The following MAP4K5 variants were observed in gnomAD, a reference collection of about 807,000 sequenced individuals.
MAP4K5 encodes MAPK/ERK kinase kinase kinase 5.
MAP4K5 carries 82 observed loss-of-function variants against 135.6 expected under a neutral mutation model. That is an observed-to-expected ratio of 0.60 (90% CI 0.51 to 0.73). The LOEUF (loss-of-function observed/expected upper bound fraction) is 0.73, where lower values mean the gene tolerates loss of function less well. MAP4K5 is among the 30% of genes least tolerant of loss of function. The probability of loss-of-function intolerance (pLI) is 0.00; values close to 1 mark genes in which losing one functional copy is unlikely to be tolerated. For synonymous variants in MAP4K5, 347 were observed against 335.0 expected, an observed-to-expected ratio of 1.04 and a Z score of -0.39; for missense variants, 907 against 1,010.9, an observed-to-expected ratio of 0.90 and a Z score of 1.39.
chr14:50,525,874 C>T (rs1309481388), intron 2 of MAP4K5, among the ~76,000 whole-genome samples: 1 of 152,024 alleles, frequency 6.6e-6, no homozygotes. Flanking sequence ...TTGAAAAGGT[C>T]CAAATTCTTT....
chr14:50,560,590 C>T (rs992517772), intron 1 of MAP4K5: 6 of 464,346 alleles, frequency 1.3e-5, no homozygotes, highest in South Asian at 1.1e-4. Context: ...ACAGCACCCA[C>T]CAGGCGCCTC....
intron 2 of MAP4K5, among the ~76,000 whole-genome samples, chr14:50,528,557 TAAAA>T (rs34304236): frequency 7.0e-6 from 1 of 143,328 alleles, no homozygotes; most frequent in East Asian, 2.0e-4. Flanking sequence ...GTCTTTACAT[TAAAA>T]AAAAAAAAAA....
intron 2 of MAP4K5, among the ~76,000 whole-genome samples, chr14:50,517,522 C>T (rs1030988862): frequency 3.3e-5 from 5 of 151,166 alleles, no homozygotes; most frequent in African/African-American, 1.2e-4. Context: ...AATCTCAGCA[C>T]TTTGGGAGGC....
chr14:50,464,161 T>A, intron 11 of MAP4K5, 28 bp from the exon 12 acceptor site: 1 of 1,073,018 alleles, frequency 9.3e-7, no homozygotes, highest in Non-Finnish European at 1.4e-6. Context: ...CGTACAAAAA[T>A]ATTTCACTAC....
intron 14 of MAP4K5, among the ~76,000 whole-genome samples, chr14:50,455,901 T>C (rs1279135201): frequency 2.0e-5 from 3 of 152,122 alleles, no homozygotes; most frequent in Non-Finnish European, 4.4e-5. Context: ...TGACAAATAT[T>C]GATAGAAAAT....
chr14:50,470,869 T>C (rs1176641660), intron 9 of MAP4K5, among the ~76,000 whole-genome samples: 2 of 152,156 alleles, frequency 1.3e-5, no homozygotes, highest in African/African-American at 2.4e-5. Context: ...GCTTATCATA[T>C]ACAAATCTGT....
At chr14:50,468,051 TA>T (rs1177985518) in intron 10 of MAP4K5, among the ~76,000 whole-genome samples, 1 of 152,126 alleles carries the variant, frequency 6.6e-6, no homozygotes, top group Non-Finnish European at 1.5e-5. Context: ...TGCCCTCAAA[TA>T]TTTTTTTCTG....
At chr14:50,451,570 T>C (rs541344252) in intron 14 of MAP4K5, among the ~76,000 whole-genome samples, 1 of 152,184 alleles carries the variant, frequency 6.6e-6, no homozygotes, top group African/African-American at 2.4e-5. Flanking sequence ...GTACCTCATA[T>C]CTTTTTTTAA....
At chr14:50,432,341 T>C (rs1257325203) in intron 28 of MAP4K5, among the ~76,000 whole-genome samples, 3 of 152,166 alleles carry the variant, frequency 2.0e-5, no homozygotes, top group Non-Finnish European at 1.5e-5. Context: ...ACTAGAAAGA[T>C]TGCCTCACCT....
At chr14:50,482,217 A>G (rs1212930369) in intron 6 of MAP4K5, 144 bp downstream of exon 6, 2 of 520,512 alleles carry the variant, frequency 3.8e-6, no homozygotes, top group Non-Finnish European at 6.8e-6. Context: ...AGAGATTAAC[A>G]GAAAAATCAT....
At chr14:50,487,215 G>T (rs1219200110) in intron 3 of MAP4K5, among the ~76,000 whole-genome samples, 2 of 152,174 alleles carry the variant, frequency 1.3e-5, no homozygotes, top group Non-Finnish European at 2.9e-5. Context: ...GGCTAAGGCA[G>T]GAGAATCGCT....
intron 3 of MAP4K5, among the ~76,000 whole-genome samples, chr14:50,497,018 TTAAAGA>T (rs759698138): frequency 7.2e-5 from 11 of 152,214 alleles, no homozygotes; most frequent in Non-Finnish European, 1.0e-4. Context: ...TGAAATAATG[TTAAAGA>T]TAGTTATCAA....
intron 32 of MAP4K5, among the ~76,000 whole-genome samples, chr14:50,420,638 A>G (rs746748015): frequency 1.3e-5 from 2 of 152,038 alleles, no homozygotes; most frequent in Non-Finnish European, 2.9e-5. Flanking sequence ...TCTCAAATAA[A>G]AAACAACAAA....
At chr14:50,457,296 AATGTCAGCTTT>A (rs1490380433) in intron 13 of MAP4K5, among the ~76,000 whole-genome samples, 2 of 152,200 alleles carry the variant, frequency 1.3e-5, no homozygotes, top group African/African-American at 4.8e-5. Context: ...TGGCATTGCC[AATGTCAGCTTT>A]AAGAGTTATC....
intron 3 of MAP4K5, among the ~76,000 whole-genome samples, chr14:50,498,546 T>C (rs969717911): frequency 6.6e-6 from 1 of 152,222 alleles, no homozygotes; most frequent in Admixed American, 6.5e-5. Context: ...AGGCTTACTG[T>C]AGCATTTTTT....
intron 12 of MAP4K5, among the ~76,000 whole-genome samples, 161 bp downstream of exon 12, chr14:50,463,891 C>CAAAAA (rs56877870): frequency 7.1e-5 from 5 of 70,396 alleles, no homozygotes; most frequent in African/African-American, 3.0e-4. Context: ...ACCCTGTTTC[C>CAAAAA]AAAAAAAAAA....
chr14:50,554,113 T>A (rs532878099), intron 1 of MAP4K5, among the ~76,000 whole-genome samples: 1 of 152,254 alleles, frequency 6.6e-6, no homozygotes, highest in South Asian at 2.1e-4. Flanking sequence ...TAAAAAGTTT[T>A]TTTTTTTTAA....
upstream of MAP4K5, among the ~76,000 whole-genome samples, chr14:50,534,887 A>C (rs2038473132): frequency 6.6e-6 from 1 of 152,248 alleles, no homozygotes; most frequent in Middle Eastern, 3.2e-3. Context: ...TTAAATGTAC[A>C]CTGAGTAAAT....
At chr14:50,533,781 A>G (rs1443865208), upstream of MAP4K5, among the ~76,000 whole-genome samples, 3 of 152,038 alleles carry the variant, frequency 2.0e-5, no homozygotes, top group Non-Finnish European at 2.9e-5. Context: ...TAATTGTATA[A>G]TGTATAATAA....
Sources: allele counts gnomAD v4.1 joint callset (sites outside exome capture counted in the v4.1 genomes callset), GRCh38; gene constraint gnomAD v4.1.1; transcripts MANE v1.5; gene names NCBI Gene and HGNC (gene_info 2026-07-23, HGNC 2026-07-21).